Variants in ABCB5 observed in about 807,000 individuals in gnomAD.
The protein encoded by ABCB5 is ATP-binding cassette sub-family B member 5.
ABCB5 carries 155 observed loss-of-function variants against 144.2 expected under a neutral mutation model. The ratio of observed to expected loss-of-function variants is 1.08; its 90% CI spans 0.94 to 1.23. The LOEUF (loss-of-function observed/expected upper bound fraction) is 1.23. Among genes scored for constraint, ABCB5 ranks in the 50% most tolerant of loss-of-function variants. The probability of loss-of-function intolerance (pLI) is 0.00; values close to 1 mark genes in which losing one functional copy is unlikely to be tolerated. For missense variants in ABCB5, 1,830 were observed against 1,520.8 expected (o/e 1.20, Z -3.38); for synonymous variants, 610 against 528.6 (o/e 1.15, Z -2.11).
intron 1 of ABCB5, among the ~76,000 whole-genome samples, chr7:20,616,321 C>A (rs1377947225): frequency 1.3e-5 from 2 of 152,204 alleles, no homozygotes; most frequent in Admixed American, 1.3e-4. Context: ...CAGGCATGAG[C>A]CACTGCGCCC....
chr7:20,650,077 G>T lies in ABCB5; in HGVS notation c.1262G>T (p.Gly421Val). Residue 421 changes from glycine (G) to valine (V), a missense_variant, in exon 12 of 28, where the codon GGT becomes GTT. By Grantham distance (109) the Gly-to-Val change is moderately radical. Transcript: ENST00000404938. ...IKSGETVALV[G>V]LNGSGKSTVV... ...TCTGGAGAGACAGTCGCCTTGGTCG[G>T]TCTCAATGGCAGTGGGAAGAGTACG... The T allele has an allele frequency of 6.2e-7, 1 of 1,613,646 alleles. No homozygotes were observed. Among genetic ancestry groups the T allele is most frequent in the Non-Finnish European group, 8.5e-7 (1 of 1,179,686 alleles).
At chr7:20,620,778 T>G (rs907259177) in intron 1 of ABCB5, among the ~76,000 whole-genome samples, 7 of 152,150 alleles carry the variant, frequency 4.6e-5, no homozygotes, top group African/African-American at 1.7e-4. Context: ...TTGAAAGCCT[T>G]GTACATTGCT....
intron 14 of ABCB5, among the ~76,000 whole-genome samples, chr7:20,672,250 C>G (rs934771704): frequency 6.6e-6 from 1 of 151,642 alleles, no homozygotes; most frequent in Non-Finnish European, 1.5e-5. Context: ...TCTCCTGATT[C>G]TAGGGCTTGG....
intron 5 of ABCB5, among the ~76,000 whole-genome samples, chr7:20,632,917 C>T (rs1012258039): frequency 1.4e-4 from 21 of 151,158 alleles, no homozygotes; most frequent in Admixed American, 1.2e-3. Flanking sequence ...TGCTAGATGA[C>T]GAGTTAGTGG....
intron 20 of ABCB5, among the ~76,000 whole-genome samples, chr7:20,718,562 C>G (rs1214105106): frequency 1.3e-5 from 2 of 152,160 alleles, no homozygotes; most frequent in Non-Finnish European, 2.9e-5. Context: ...TCACCAGATA[C>G]AGTCTTGAAA....
At chr7:20,676,860 C>T (rs1267054757) in intron 14 of ABCB5, among the ~76,000 whole-genome samples, 1 of 152,052 alleles carries the variant, frequency 6.6e-6, no homozygotes, top group Non-Finnish European at 1.5e-5. Flanking sequence ...AAAAACTTGT[C>T]TAAGTCCTCC....
intron 14 of ABCB5, among the ~76,000 whole-genome samples, chr7:20,674,621 TG>T (rs1358716786): frequency 1.3e-5 from 2 of 151,450 alleles, no homozygotes; most frequent in Non-Finnish European, 3.0e-5. Context: ...TCTTACCACT[TG>T]CATTCAACAA....
chr7:20,705,706 T>C (rs1223164106), intron 20 of ABCB5, among the ~76,000 whole-genome samples: 1 of 152,204 alleles, frequency 6.6e-6, no homozygotes, highest in Non-Finnish European at 1.5e-5. Context: ...GCTTGAAGCT[T>C]TGTTAGCAGA....
At chr7:20,668,422 T>C (rs542839130) in intron 14 of ABCB5, among the ~76,000 whole-genome samples, 1 of 141,998 alleles carries the variant, frequency 7.0e-6, no homozygotes, top group Non-Finnish European at 1.5e-5. Flanking sequence ...CAACCCTGTC[T>C]GGGAGGTGAG....
chr7:20,734,282 A>G (rs1475207848), intron 23 of ABCB5, among the ~76,000 whole-genome samples: 1 of 151,784 alleles, frequency 6.6e-6, no homozygotes, highest in Non-Finnish European at 1.5e-5. Context: ...TAAACCAAAG[A>G]AATTTACAAA....
At chr7:20,703,261 G>GT (rs1786695363) in intron 19 of ABCB5, among the ~76,000 whole-genome samples, 1 of 152,156 alleles carries the variant, frequency 6.6e-6, no homozygotes, top group African/African-American at 2.4e-5. Flanking sequence ...ACAATAAAAA[G>GT]CAGGTGATGT....
At chr7:20,683,292 AT>A (rs1310474964) in intron 15 of ABCB5, among the ~76,000 whole-genome samples, 10 of 152,112 alleles carry the variant, frequency 6.6e-5, no homozygotes, top group African/African-American at 2.4e-4. Flanking sequence ...TTCTCATTTT[AT>A]TTCATATTAG....
chr7:20,624,691 A>G (rs1445027951), intron 2 of ABCB5, among the ~76,000 whole-genome samples: 2 of 152,220 alleles, frequency 1.3e-5, no homozygotes, highest in African/African-American at 4.8e-5. Flanking sequence ...AGCTAAGAGC[A>G]GAATCTTCGC....
intron 13 of ABCB5, among the ~76,000 whole-genome samples, chr7:20,652,549 A>G (rs529954202): frequency 7.9e-5 from 12 of 151,766 alleles, no homozygotes; most frequent in Admixed American, 7.2e-4. Context: ...CAACCTGAGC[A>G]ACAGAGTGAG....
chr7:20,717,965 A>G (rs1353706341), intron 20 of ABCB5, among the ~76,000 whole-genome samples: 1 of 118,204 alleles, frequency 8.5e-6, no homozygotes, highest in Non-Finnish European at 1.6e-5. Flanking sequence ...GCAGTGGCGC[A>G]ATCTCGGCTC....
chr7:20,670,766 A>G (rs7455102), intron 14 of ABCB5, among the ~76,000 whole-genome samples: 137,878 of 152,198 alleles, frequency 0.91, 62,639 homozygotes, highest in East Asian at 0.99. Flanking sequence ...AAAATTAGGC[A>G]GGCGTGGTGG....
At chr7:20,647,719 C>T (rs1166759136) in intron 10 of ABCB5, 71 bp downstream of exon 10, 1 of 1,523,074 alleles carries the variant, frequency 6.6e-7, no homozygotes, top group Non-Finnish European at 8.8e-7. Context: ...CATACACCCT[C>T]ATTTTCACTA....
rs879539739 is a variant in ABCB5 at position 20,712,886 on chromosome 7, T to C, written c.2421+8079T>C. 4.0e-5 allele frequency among the ~76,000 whole-genome samples: 6 copies of C among 149,888 alleles called. 1 individual carries two copies. Among genetic ancestry groups the C allele is most frequent in the African/African-American group, 1.5e-4 (6 of 40,536 alleles). On this transcript the variant is annotated intron_variant, in intron 20 of 27. Transcript: ENST00000404938. ...TATTTAACATATGCATTATTTCACA[T>C]ACTTATTTTTTGTGTGGTGAGAACA...
chr7:20,623,446 C>T (rs111872870), intron 2 of ABCB5, 108 bp downstream of exon 2: 64,719 of 883,560 alleles, frequency 0.073, 3,002 homozygotes, highest in South Asian at 0.15. Flanking sequence ...AAAATAGCAA[C>T]ACTATTTGCA....
Sources: gnomAD v4.1 joint callset for allele counts (sites outside exome capture counted in the v4.1 genomes callset) on GRCh38, gnomAD v4.1.1 for gene constraint, MANE v1.5 for transcripts, NCBI Gene and HGNC (gene_info 2026-07-23, HGNC 2026-07-21) for gene names.